RSBN1L: variants seen among roughly 807,000 people sequenced by gnomAD.
RSBN1L encodes lysine-specific demethylase RSBN1L.
RSBN1L carries 30 observed loss-of-function variants against 67.7 expected under a neutral mutation model. The ratio of observed to expected loss-of-function variants is 0.44; its 90% CI spans 0.33 to 0.60. RSBN1L has a LOEUF of 0.60. Among genes scored for constraint, RSBN1L ranks in the 20% least tolerant of loss-of-function variants. The probability of loss-of-function intolerance (pLI) is 0.02; values close to 1 mark genes in which losing one functional copy is unlikely to be tolerated. For synonymous variants in RSBN1L, 433 were observed against 387.0 expected, an observed-to-expected ratio of 1.12 and a Z score of -1.39; for missense variants, 992 against 1,031.7, an observed-to-expected ratio of 0.96 and a Z score of 0.53.
At chr7:77,741,820 A>G (rs62460712) in intron 2 of RSBN1L, among the ~76,000 whole-genome samples, 2 of 152,082 alleles carry the variant, frequency 1.3e-5, no homozygotes, top group African/African-American at 4.8e-5. Context: ...CTGCATACAT[A>G]TCTACTGCAT....
Position 77,696,997 on chromosome 7 carries a change from C to G in RSBN1L, c.528C>G (p.Ala176=). The change falls in exon 1 of 8, where the codon GCC becomes GCG. Residue 176 remains alanine (A), a synonymous_variant. Transcript: ENST00000334955. The stretch of plus-strand genomic sequence containing the variant: ...GGAGGAGGCACGGTCTCGGTGGGGC[C>G]CGAGAGGCCGGCGGGGCCTCCCGGG... ...KERRRHGLGG[A]REAGGASREE... The G allele has an allele frequency of 6.5e-7, 1 of 1,536,558 alleles. No homozygotes were observed.
chr7:77,713,679 T>TA (rs1302835221), intron 1 of RSBN1L, among the ~76,000 whole-genome samples: 163 of 149,500 alleles, frequency 1.1e-3, no homozygotes, highest in Middle Eastern at 3.5e-3. Flanking sequence ...TTTTTTTTTT[T>TA]AAAAATAGAG....
intron 3 of RSBN1L, among the ~76,000 whole-genome samples, chr7:77,750,563 G>A (rs114637635): frequency 0.014 from 2,162 of 152,110 alleles, 39 homozygotes; most frequent in African/African-American, 0.037. Context: ...TCAGTATATT[G>A]AGCTAATTTT....
chr7:77,776,514 G>T (rs1019516201), intron 6 of RSBN1L, among the ~76,000 whole-genome samples: 5 of 152,172 alleles, frequency 3.3e-5, no homozygotes, highest in Non-Finnish European at 7.3e-5. Flanking sequence ...AATATAAATG[G>T]AATCAAATAA....
rs542415039 is a variant in RSBN1L at position 77,712,287 on chromosome 7, AT to A, written c.586+15245del. Among the ~76,000 whole-genome samples, 188 of 145,634 alleles carry A rather than the reference AT, an allele frequency of 1.3e-3. No homozygotes were observed. In the South Asian group the frequency reaches 0.015, roughly 12 times the overall value. On this transcript the variant is annotated intron_variant, in intron 1 of 7. Transcript: ENST00000334955. ...TACAAATCTTATATATACATACATG[AT>A]TTTTTTTTTTTTGAGACGGAGTTTC... is the stretch of plus-strand genomic sequence containing the variant.
At chr7:77,754,555 A>C (rs1256391630) in intron 3 of RSBN1L, among the ~76,000 whole-genome samples, 2 of 152,182 alleles carry the variant, frequency 1.3e-5, no homozygotes, top group Admixed American at 1.3e-4. Context: ...GAGAACATGG[A>C]AGTTTTCAGC....
chr7:77,747,439 C>T (rs1791499319), intron 2 of RSBN1L, among the ~76,000 whole-genome samples: 1 of 152,166 alleles, frequency 6.6e-6, no homozygotes, highest in Non-Finnish European at 1.5e-5. Context: ...GGCCCTGCTG[C>T]TCTGCACAGC....
chr7:77,740,605 A>T (rs1051885473), intron 2 of RSBN1L, among the ~76,000 whole-genome samples: 1 of 152,236 alleles, frequency 6.6e-6, no homozygotes, highest in African/African-American at 2.4e-5. Context: ...AGAAAGATAG[A>T]TATAAATTTT....
intron 1 of RSBN1L, among the ~76,000 whole-genome samples, chr7:77,734,012 A>G (rs1167114326): frequency 6.6e-6 from 1 of 152,146 alleles, no homozygotes; most frequent in African/African-American, 2.4e-5. Context: ...CTGTAATCCC[A>G]TTTACTTGGT....
chr7:77,756,904 A>G (rs1026354325), intron 3 of RSBN1L, among the ~76,000 whole-genome samples: 1 of 152,182 alleles, frequency 6.6e-6, no homozygotes, highest in African/African-American at 2.4e-5. Flanking sequence ...ATAATGATAG[A>G]AGCTGCGCAC....
Position 77,768,623 on chromosome 7 carries a change from T to G in RSBN1L, c.1483-38T>G, listed in dbSNP as rs773217431. On this transcript the variant is annotated intron_variant, in intron 4 of 7. Coordinates refer to ENST00000334955, the MANE Select transcript of RSBN1L (RefSeq NM_198467.3). ...TTAACATACACTTGAAGATACATTT[T>G]GAAAATAATTGCAATCTGCATAATT... 3.8e-6 allele frequency: 6 copies of G among 1,580,750 alleles called. No individual in the cohort carries two copies. In the African/African-American group the frequency reaches 6.7e-5, roughly 18 times the overall value.
intron 2 of RSBN1L, among the ~76,000 whole-genome samples, chr7:77,740,943 G>A (rs959876060): frequency 6.7e-6 from 1 of 150,358 alleles, no homozygotes; most frequent in African/African-American, 2.5e-5. Flanking sequence ...ATTTGTATGT[G>A]GCTTTGGGGA....
intron 6 of RSBN1L, among the ~76,000 whole-genome samples, chr7:77,776,729 T>C (rs1055854399): frequency 3.5e-5 from 4 of 115,844 alleles, no homozygotes; most frequent in South Asian, 2.4e-4. Flanking sequence ...AATTCAGCCT[T>C]CTTCTTATTT....
rs1204195825 is a variant in RSBN1L at position 77,781,413 on chromosome 7, T to C, written c.*2245T>C. The C allele has an allele frequency of 3.9e-5, 6 of 152,224 alleles. No homozygotes were observed. Among genetic ancestry groups the C allele is most frequent in the African/African-American group, 1.4e-4 (6 of 41,460 alleles). The allele number at this position is 152,224 out of a possible 1,614,324, so 9.4% of individuals were successfully genotyped here. A position where few individuals can be genotyped will look rare whatever the true frequency, so the allele number is the denominator to read the frequency against. On this transcript the variant is annotated 3_prime_UTR_variant, in exon 8 of 8. Transcript: ENST00000334955. ...ACCAGTATTGAGAAATAAGAAGGGA[T>C]GTAGTTAAAATGGTTTTCTGTTTCT...
chr7:77,761,980 CAT>C (rs369449620), intron 3 of RSBN1L, among the ~76,000 whole-genome samples: 14 of 152,160 alleles, frequency 9.2e-5, no homozygotes, highest in Non-Finnish European at 1.6e-4. Flanking sequence ...TTGTTTTAAA[CAT>C]GTGAGAGCTA....
chr7:77,737,474 G>A (rs1385147705), intron 2 of RSBN1L, among the ~76,000 whole-genome samples: 2 of 152,102 alleles, frequency 1.3e-5, no homozygotes, highest in African/African-American at 4.8e-5. Flanking sequence ...TGCATTCTTT[G>A]TCATGTTTTC....
At chr7:77,731,347 CA>C (rs1227933164) in intron 1 of RSBN1L, among the ~76,000 whole-genome samples, 2 of 152,062 alleles carry the variant, frequency 1.3e-5, no homozygotes, top group Non-Finnish European at 2.9e-5. Context: ...CTAAAACTCC[CA>C]CCTCAACCTC....
chr7:77,720,408 A>G (rs1031421499), intron 1 of RSBN1L, among the ~76,000 whole-genome samples: 7 of 152,084 alleles, frequency 4.6e-5, no homozygotes, highest in Admixed American at 1.3e-4. Flanking sequence ...TAAAAATACA[A>G]AATTAGCTGG....
At position 77,773,408 on chromosome 7, in the gene RSBN1L, A is replaced by G. The variant is rs187188674; in HGVS notation, c.1793+94A>G. 7 of 907,246 alleles carry G rather than the reference A, an allele frequency of 7.7e-6. No individual in the cohort carries two copies. The African/African-American group carries it at 8.5e-5, about 11-fold the overall frequency. The allele number at this position is 907,246 out of a possible 1,614,324, so 56.2% of individuals were successfully genotyped here. On this transcript the variant is annotated intron_variant, in intron 6 of 7. Transcript: ENST00000334955. ...AGTAATTCCTCCTTACTGTGGGAAA[A>G]AAGTTTCATTTTTTACCCGTATTTG...
Sources: gnomAD v4.1 joint callset for allele counts (sites outside exome capture counted in the v4.1 genomes callset) on GRCh38, gnomAD v4.1.1 for gene constraint, MANE v1.5 for transcripts, NCBI Gene and HGNC (gene_info 2026-07-23, HGNC 2026-07-21) for gene names.